The following GRIK1 variants were observed in gnomAD, a reference collection of about 807,000 sequenced individuals.
GRIK1 encodes glutamate ionotropic receptor kainate type subunit 1, also known as glutamate receptor ionotropic, kainate 1.
GRIK1 carries 69 observed loss-of-function variants against 105.7 expected under a neutral mutation model. The ratio of observed to expected loss-of-function variants is 0.65; its 90% CI spans 0.54 to 0.80. The LOEUF (loss-of-function observed/expected upper bound fraction) is 0.80, where lower values mean the gene tolerates loss of function less well. Among genes scored for constraint, GRIK1 ranks in the 30% least tolerant of loss-of-function variants. GRIK1 has a pLI of 0.00. For synonymous variants in GRIK1, 438 were observed against 431.3 expected, an observed-to-expected ratio of 1.02 and a Z score of -0.19; for missense variants, 1,109 against 1,167.3, an observed-to-expected ratio of 0.95 and a Z score of 0.73.
chr21:29,590,806 C>A (rs2061322498), intron 10 of GRIK1, among the ~76,000 whole-genome samples: 1 of 152,160 alleles, frequency 6.6e-6, no homozygotes, highest in African/African-American at 2.4e-5. Flanking sequence ...TAGTCTCTTG[C>A]TAGGGTCTCC....
At chr21:29,635,408 G>A (rs947202049) in intron 7 of GRIK1, among the ~76,000 whole-genome samples, 1 of 152,208 alleles carries the variant, frequency 6.6e-6, no homozygotes, top group Non-Finnish European at 1.5e-5. Context: ...TTGTCTCTCT[G>A]TGTGTCCACA....
At chr21:29,547,430 C>T (rs1460750892) in intron 16 of GRIK1, among the ~76,000 whole-genome samples, 1 of 152,208 alleles carries the variant, frequency 6.6e-6, no homozygotes. Flanking sequence ...TTATTTCCTT[C>T]CCATTTTCTA....
At chr21:29,900,889 C>G (rs1221040017) in intron 1 of GRIK1, among the ~76,000 whole-genome samples, 4 of 152,048 alleles carry the variant, frequency 2.6e-5, no homozygotes, top group Admixed American at 2.6e-4. Flanking sequence ...TAATTGGAAG[C>G]AAAGCACTCC....
chr21:29,772,617 A>G (rs983117430), intron 1 of GRIK1, among the ~76,000 whole-genome samples: 12 of 152,344 alleles, frequency 7.9e-5, no homozygotes, highest in Admixed American at 7.8e-4. Flanking sequence ...ACAAAAACTA[A>G]TTGCAGTTCT....
At chr21:29,819,410 C>T (rs2067238537) in intron 1 of GRIK1, among the ~76,000 whole-genome samples, 1 of 151,850 alleles carries the variant, frequency 6.6e-6, no homozygotes, top group Non-Finnish European at 1.5e-5. Flanking sequence ...AAAACAGAGC[C>T]AAATTAAAAA....
Position 29,576,944 on chromosome 21 carries a change from A to G in GRIK1, c.2130+20T>C. ...CACAAGTATCAGATAATCACTGAGA[A>G]CACTTTGTCAGCTTCTTACCTTGAA... On this transcript the variant is annotated intron_variant, in intron 14 of 17. Transcript: ENST00000327783. 1 of 1,341,500 alleles carries G rather than the reference A, an allele frequency of 7.5e-7. No homozygotes were observed. Among genetic ancestry groups the G allele is most frequent in the Non-Finnish European group, 1.1e-6 (1 of 935,714 alleles). 83.1% of individuals were successfully genotyped at this position (1,341,500 alleles called of 1,614,324 possible).
At chr21:29,781,479 C>A (rs1375966920) in intron 1 of GRIK1, among the ~76,000 whole-genome samples, 1 of 152,114 alleles carries the variant, frequency 6.6e-6, no homozygotes, top group Non-Finnish European at 1.5e-5. Context: ...TCTCATTACT[C>A]TCTTCCCCAC....
intron 7 of GRIK1, among the ~76,000 whole-genome samples, chr21:29,632,987 T>C (rs1250093425): frequency 6.6e-6 from 1 of 152,194 alleles, no homozygotes; most frequent in Non-Finnish European, 1.5e-5. Context: ...TAATCTCCAA[T>C]GCCACAGTAT....
chr21:29,844,747 G>A (rs528582424), intron 1 of GRIK1, among the ~76,000 whole-genome samples: 21 of 152,154 alleles, frequency 1.4e-4, no homozygotes, highest in Admixed American at 1.2e-3. Flanking sequence ...GTTATAGTAC[G>A]TCATTATTTT....
At chr21:29,617,860 G>A (rs1360375429) in intron 7 of GRIK1, among the ~76,000 whole-genome samples, 2 of 152,194 alleles carry the variant, frequency 1.3e-5, no homozygotes, top group Non-Finnish European at 2.9e-5. Flanking sequence ...ATTTGCAATG[G>A]CTTATTTGAT....
Position 29,577,081 on chromosome 21 carries a change from A to T in GRIK1, c.2013T>A (p.Ala671=). ...IIISSYTANL[A]AFLTVERMES... ...CCATTCTCTCTACTGTCAAGAAGGC[A>T]GCCAGATTGGCCGTGTAGGATGAAA... Residue 671 remains alanine, a synonymous_variant, in exon 14 of 18, where the codon GCT becomes GCA. Coordinates refer to ENST00000327783, the MANE Select transcript of GRIK1 (RefSeq NM_001330994.2). The T allele has an allele frequency of 1.2e-6, 2 of 1,612,700 alleles. No homozygotes were observed. The highest frequency in any genetic ancestry group is 1.7e-6 in the Non-Finnish European group (2 of 1,178,714).
intron 1 of GRIK1, among the ~76,000 whole-genome samples, chr21:29,819,173 G>A (rs1173180872): frequency 6.6e-6 from 1 of 152,098 alleles, no homozygotes; most frequent in Admixed American, 6.6e-5. Context: ...CGACAAGAAA[G>A]CTATTTTCCA....
chr21:29,718,506 T>A (rs190621483), intron 1 of GRIK1, among the ~76,000 whole-genome samples: 4 of 152,246 alleles, frequency 2.6e-5, no homozygotes, highest in African/African-American at 9.6e-5. Context: ...GCTGTTGCTT[T>A]ATGACATTGT....
intron 16 of GRIK1, chr21:29,553,618 T>C (rs763298527): frequency 1.9e-6 from 3 of 1,610,398 alleles, no homozygotes; most frequent in Non-Finnish European, 2.5e-6. Flanking sequence ...ATTTACCACA[T>C]TCTAAATCCG....
At chr21:29,697,916 T>TTC (rs755237929) in intron 1 of GRIK1, among the ~76,000 whole-genome samples, 4 of 132,524 alleles carry the variant, frequency 3.0e-5, no homozygotes, top group Non-Finnish European at 6.0e-5. Flanking sequence ...CTTTCTTTCT[T>TTC]TCTCTCTCTC....
At chr21:29,932,969 T>C (rs2071624091) in intron 1 of GRIK1, among the ~76,000 whole-genome samples, 1 of 152,042 alleles carries the variant, frequency 6.6e-6, no homozygotes, top group East Asian at 1.9e-4. Flanking sequence ...GATCAAATTT[T>C]ATGCTAATAA....
chr21:29,700,186 T>C (rs2063785229), intron 1 of GRIK1, among the ~76,000 whole-genome samples: 1 of 152,122 alleles, frequency 6.6e-6, no homozygotes, highest in Non-Finnish European at 1.5e-5. Context: ...AGCGAGGACG[T>C]AGGCAGTTGT....
At chr21:29,771,700 T>C (rs1379928127) in intron 1 of GRIK1, among the ~76,000 whole-genome samples, 1 of 152,222 alleles carries the variant, frequency 6.6e-6, no homozygotes, top group East Asian at 1.9e-4. Context: ...TGGATATCAC[T>C]GATGAGTAAG....
chr21:29,561,155 T>C (rs1480101402), intron 15 of GRIK1, among the ~76,000 whole-genome samples: 1 of 152,214 alleles, frequency 6.6e-6, no homozygotes, highest in South Asian at 2.1e-4. Context: ...AATTTAATCT[T>C]TATCCTTTTT....
Sources: gnomAD v4.1 joint callset for allele counts (sites outside exome capture counted in the v4.1 genomes callset) on GRCh38, gnomAD v4.1.1 for gene constraint, MANE v1.5 for transcripts, NCBI Gene and HGNC (gene_info 2026-07-23, HGNC 2026-07-21) for gene names.